The following AP3D1 variants were observed in gnomAD, a reference collection of about 807,000 sequenced individuals.
AP3D1 encodes the protein AP-3 complex subunit delta-1.
AP3D1 carries 51 observed loss-of-function variants against 147.6 expected under a neutral mutation model. That is an observed-to-expected ratio of 0.35 (90% CI 0.28 to 0.44). The LOEUF is 0.44. Among genes scored for constraint, AP3D1 ranks in the 20% least tolerant of loss-of-function variants. The probability of loss-of-function intolerance (pLI) is 1.00; values close to 1 mark genes in which losing one functional copy is unlikely to be tolerated. For synonymous variants in AP3D1, 760 were observed against 663.0 expected, an observed-to-expected ratio of 1.15 and a Z score of -2.25; for missense variants, 1,421 against 1,624.2, an observed-to-expected ratio of 0.87 and a Z score of 2.15.
rs2017949301 is a variant in AP3D1, at chr19:2,101,446, G to C, written c.*727C>G. 1 of 126,944 alleles carries C rather than the reference G, an allele frequency of 7.9e-6. No homozygotes were observed. Among genetic ancestry groups the C allele is most frequent in the South Asian group, 2.5e-4 (1 of 3,966 alleles). 7.9% of individuals were successfully genotyped at this position (126,944 alleles called of 1,614,324 possible). A position where few individuals can be genotyped will look rare whatever the true frequency, so the allele number is the denominator to read the frequency against. On this transcript the variant is annotated 3_prime_UTR_variant, in exon 32 of 32. Transcript: ENST00000643116. ...CCTTGGTGCGCATAGTGGCAAGCAG[G>C]GGATGCGGACCACCCCAAACCCAAG...
In AP3D1 at chr19:2,111,725, G is replaced by T; in HGVS notation, c.2891C>A (p.Ala964Glu). Reference protein sequence around the residue: ...KKQPPGSEEAAGEPVQNGAPE... With the variant: ...KKQPPGSEEAEGEPVQNGAPE... The stretch of plus-strand genomic sequence containing the variant: ...CGCGCCATTCTGCACCGGCTCCCCC[G>T]CTGCCTCCTCGCTGCCTGGAGGCTG... The change falls in exon 25 of 32, where the codon GCG (alanine) becomes GAG (glutamate). Residue 964 changes from alanine (A) to glutamate (E), a missense_variant. Ala to Glu is a moderately radical substitution (Grantham distance 107). Around this residue, in one of 6 missense-constraint regions of AP3D1, gnomAD observed 791 missense variants for 761.4 expected, o/e 1.04. Coordinates refer to ENST00000643116, the MANE Select transcript of AP3D1 (RefSeq NM_001261826.3). The T allele has an allele frequency of 6.2e-7, 1 of 1,604,728 alleles. No individual in the cohort carries two copies. The highest frequency in any genetic ancestry group is 8.5e-7 in the Non-Finnish European group (1 of 1,176,324).
At chr19:2,110,362 G>C (rs770128738) in intron 27 of AP3D1, 138 bp from the exon 28 acceptor site, 1 of 744,158 alleles carries the variant, frequency 1.3e-6, no homozygotes, top group African/African-American at 1.7e-5. Flanking sequence ...AGCACCAGGG[G>C]ACAGGAGCAG....
intron 1 of AP3D1, among the ~76,000 whole-genome samples, chr19:2,162,272 G>GT (rs953458335): frequency 6.7e-6 from 1 of 149,340 alleles, no homozygotes; most frequent in African/African-American, 2.4e-5. Context: ...TCCTGACCTC[G>GT]TGATCCACCC....
chr19:2,109,361 AT>A, intron 29 of AP3D1, 154 bp from the exon 30 acceptor site: 2 of 1,021,868 alleles, frequency 2.0e-6, no homozygotes, highest in South Asian at 1.7e-5. Context: ...GGTGTGGCTC[AT>A]TTTCATGTGC....
intron 6 of AP3D1, among the ~76,000 whole-genome samples, chr19:2,129,852 G>A (rs868368210): frequency 4.5e-4 from 69 of 152,298 alleles, no homozygotes; most frequent in Middle Eastern, 3.4e-3. Context: ...GGAGAAGCTC[G>A]CCCATCGGGT....
chr19:2,103,174 G>A (rs2018007075), intron 31 of AP3D1, among the ~76,000 whole-genome samples: 2 of 152,078 alleles, frequency 1.3e-5, no homozygotes, highest in Non-Finnish European at 2.9e-5. Context: ...ATATTGCCTC[G>A]CAGCTGTATG....
intron 2 of AP3D1, 42 bp from the exon 3 acceptor site, chr19:2,137,849 C>A (rs759051042): frequency 6.3e-7 from 1 of 1,597,920 alleles, no homozygotes; most frequent in Non-Finnish European, 8.6e-7. Flanking sequence ...CAAGCCAAAG[C>A]AGAGAGAAAG....
At position 2,129,147 on chromosome 19, in the gene AP3D1, G is replaced by C. The variant is rs767851382; in HGVS notation, c.749C>G (p.Pro250Arg). The C allele has an allele frequency of 6.2e-7, 1 of 1,602,458 alleles. No individual in the cohort carries two copies. The highest frequency in any genetic ancestry group is 8.5e-7 in the Non-Finnish European group (1 of 1,175,284). Residue 250 changes from proline (P) to arginine (R), a missense_variant, in exon 8 of 32, where the codon CCT (proline) becomes CGT (arginine). Pro to Arg is a moderately radical substitution (Grantham distance 103, BLOSUM62 -2). Transcript: ENST00000643116. ...KIIKLFGALTPLEPRLGKKLI... is the reference protein window; with the variant it reads ...KIIKLFGALTRLEPRLGKKLI... ...CTTCTTGCCCAGCCGCGGTTCCAAA[G>C]GAGTAAGAGCACCGAACTGTGGGGA...
At chr19:2,109,838 G>T (rs759064911) in intron 29 of AP3D1, 35 bp downstream of exon 29, 1 of 1,600,622 alleles carries the variant, frequency 6.2e-7, no homozygotes, top group East Asian at 2.2e-5. Flanking sequence ...GGCGGAGGGG[G>T]TTCGGGGACA....
intron 6 of AP3D1, 135 bp downstream of exon 6, chr19:2,130,273 C>T: frequency 7.2e-7 from 1 of 1,392,656 alleles, no homozygotes; most frequent in Non-Finnish European, 9.6e-7. Context: ...GGCCCAGCCA[C>T]CTCCAACAGG....
intron 30 of AP3D1, 35 bp downstream of exon 30, chr19:2,109,051 C>T (rs1318777935): frequency 8.7e-6 from 14 of 1,604,334 alleles, no homozygotes; most frequent in African/African-American, 1.3e-5. Flanking sequence ...TGCGTGAAAG[C>T]CCCGTGCAAT....
At chr19:2,126,965 G>A (rs1403333617) in intron 9 of AP3D1, among the ~76,000 whole-genome samples, 187 bp downstream of exon 9, 1 of 152,156 alleles carries the variant, frequency 6.6e-6, no homozygotes, top group Non-Finnish European at 1.5e-5. Context: ...GCAGACGCAT[G>A]GCCACCTTGA....
At chr19:2,145,817 G>A (rs962250200) in intron 1 of AP3D1, among the ~76,000 whole-genome samples, 5 of 152,170 alleles carry the variant, frequency 3.3e-5, no homozygotes, top group African/African-American at 1.2e-4. Flanking sequence ...CCCTGCAAAG[G>A]AGTAAAATAG....
Position 2,147,525 on chromosome 19 carries a change from C to T in AP3D1, c.96+3714G>A, listed in dbSNP as rs536321710. Among the ~76,000 whole-genome samples the T allele has an allele frequency of 2.0e-5, 3 of 146,958 alleles. No individual in the cohort carries two copies. The East Asian group carries it at 5.9e-4, about 29-fold the overall frequency. ...GAGCCAAGATTGTGCCACTGCACTC[C>T]AGCCTGGGCAACACAGCGAGACTCT... is the stretch of plus-strand genomic sequence containing the variant. On this transcript the variant is annotated intron_variant, in intron 1 of 31. Transcript: ENST00000643116.
At chr19:2,130,303 C>T (rs2018901452) in intron 6 of AP3D1, 105 bp downstream of exon 6, 2 of 1,526,784 alleles carry the variant, frequency 1.3e-6, no homozygotes, top group East Asian at 4.8e-5. Flanking sequence ...GGACTGAGCC[C>T]TTCACCACTC....
chr19:2,157,986 C>G (rs186557111), intron 1 of AP3D1, among the ~76,000 whole-genome samples: 3 of 152,260 alleles, frequency 2.0e-5, no homozygotes, highest in Non-Finnish European at 4.4e-5. Flanking sequence ...TCTACAGAAG[C>G]ATTCATTTAG....
chr19:2,130,373 C>G (rs1021602368), intron 6 of AP3D1, 35 bp downstream of exon 6: 1 of 1,612,926 alleles, frequency 6.2e-7, no homozygotes, highest in Admixed American at 1.7e-5. Context: ...TGAGCCCCCA[C>G]CCTCAACCCT....
intron 24 of AP3D1, chr19:2,112,087 C>G (rs2018299191): frequency 1.8e-6 from 1 of 544,730 alleles, no homozygotes; most frequent in African/African-American, 1.9e-5. Flanking sequence ...GGGAGCCATG[C>G]AGGGCAAACC....
chr19:2,152,548 A>T (rs2019564845), upstream of AP3D1, among the ~76,000 whole-genome samples: 1 of 150,640 alleles, frequency 6.6e-6, no homozygotes, highest in African/African-American at 2.4e-5. Context: ...TCTAAAAAAA[A>T]AAGAGAGGGA....
Sources: gnomAD v4.1 joint callset for allele counts (sites outside exome capture counted in the v4.1 genomes callset) on GRCh38, gnomAD v4.1.1 for gene constraint, gnomAD v4.1.1 regional missense constraint, MANE v1.5 for transcripts, NCBI Gene and HGNC (gene_info 2026-07-23, HGNC 2026-07-21) for gene names.